The following PDE4D variants were observed in gnomAD, a reference collection of about 807,000 sequenced individuals.
PDE4D encodes the protein phosphodiesterase 4D, also known as 3',5'-cyclic-AMP phosphodiesterase 4D.
In PDE4D, 24 loss-of-function variants were observed where a neutral mutation model predicts 87.4. The ratio of observed to expected loss-of-function variants is 0.27; its 90% CI spans 0.20 to 0.39. The LOEUF (loss-of-function observed/expected upper bound fraction) is 0.39. PDE4D is among the 10% of genes least tolerant of loss of function. PDE4D has a pLI of 1.00. For synonymous variants in PDE4D, 384 were observed against 383.2 expected (o/e 1.00, Z -0.02); for missense variants, 714 against 1,041.0 (o/e 0.69, Z 4.32).
intron 1 of PDE4D, among the ~76,000 whole-genome samples, chr5:59,779,049 C>G (rs910060059): frequency 1.3e-5 from 2 of 151,956 alleles, no homozygotes; most frequent in South Asian, 2.1e-4. Flanking sequence ...GTAATCCCAG[C>G]TATTTGGGAG....
intron 5 of PDE4D, among the ~76,000 whole-genome samples, chr5:59,153,361 A>C (rs760933212): frequency 1.3e-5 from 2 of 152,216 alleles, no homozygotes; most frequent in Non-Finnish European, 2.9e-5. Context: ...GTTATTTAAA[A>C]TAATGGTCAA....
intron 1 of PDE4D, among the ~76,000 whole-genome samples, chr5:59,470,076 T>C (rs1802217073): frequency 6.6e-6 from 1 of 152,096 alleles, no homozygotes; most frequent in Admixed American, 6.5e-5. Context: ...TGGTAAATTT[T>C]ATGTGGTTAG....
intron 3 of PDE4D, among the ~76,000 whole-genome samples, chr5:59,974,225 T>G (rs1761075320): frequency 6.6e-6 from 1 of 152,154 alleles, no homozygotes; most frequent in Non-Finnish European, 1.5e-5. Flanking sequence ...AAATAGTATT[T>G]AAGAATATAT....
intron 6 of PDE4D, among the ~76,000 whole-genome samples, chr5:59,025,481 C>T (rs575556779): frequency 6.6e-6 from 1 of 152,258 alleles, no homozygotes; most frequent in African/African-American, 2.4e-5. Flanking sequence ...CACACAATCA[C>T]TTGTATTTTT....
chr5:59,935,355 T>C (rs529389736), intron 3 of PDE4D, among the ~76,000 whole-genome samples: 1 of 152,030 alleles, frequency 6.6e-6, no homozygotes, highest in South Asian at 2.1e-4. Context: ...GAGAGCTTTT[T>C]AGGAAGGTTG....
intron 2 of PDE4D, among the ~76,000 whole-genome samples, chr5:59,997,007 A>C (rs1426406933): frequency 6.6e-6 from 1 of 152,142 alleles, no homozygotes; most frequent in Non-Finnish European, 1.5e-5. Context: ...AAGTTTCCAA[A>C]AAAGGAATAG....
At chr5:59,614,525 CTA>C (rs1829414274) in intron 1 of PDE4D, among the ~76,000 whole-genome samples, 1 of 152,184 alleles carries the variant, frequency 6.6e-6, no homozygotes. Flanking sequence ...CTGTAAGAGT[CTA>C]TGTTACTACA....
intron 1 of PDE4D, among the ~76,000 whole-genome samples, chr5:59,479,513 T>A (rs1803882942): frequency 6.6e-6 from 1 of 152,252 alleles, no homozygotes; most frequent in Admixed American, 6.5e-5. Context: ...CCCATTTACA[T>A]TTTTGCCTTG....
At chr5:60,506,469 TA>T (rs1750328359) in intron 1 of PDE4D, among the ~76,000 whole-genome samples, 1 of 152,108 alleles carries the variant, frequency 6.6e-6, no homozygotes, top group South Asian at 2.1e-4. Flanking sequence ...CTTACAAAAT[TA>T]AAAACCAGGA....
At chr5:59,370,670 C>T (rs62358052) in intron 1 of PDE4D, among the ~76,000 whole-genome samples, 24 of 152,120 alleles carry the variant, frequency 1.6e-4, no homozygotes, top group Admixed American at 3.3e-4. Context: ...TACTATCCTC[C>T]CCACAAAAAA....
intron 1 of PDE4D, among the ~76,000 whole-genome samples, chr5:59,747,512 T>G (rs554637456): frequency 6.6e-6 from 1 of 152,290 alleles, no homozygotes; most frequent in East Asian, 1.9e-4. Context: ...GGCTCCTTAG[T>G]GCCGTCTGGG....
intron 1 of PDE4D, among the ~76,000 whole-genome samples, chr5:60,202,132 TA>T (rs1741988509): frequency 6.6e-6 from 1 of 152,238 alleles, no homozygotes; most frequent in Admixed American, 6.5e-5. Context: ...GATGCTTTTC[TA>T]AGTGCATAAA....
intron 1 of PDE4D, among the ~76,000 whole-genome samples, chr5:59,672,004 A>G (rs969061702): frequency 2.4e-4 from 36 of 152,100 alleles, no homozygotes; most frequent in Non-Finnish European, 4.7e-4. Flanking sequence ...TTTTTAAAAG[A>G]TCTGAGTTGC....
rs546594108 is a variant in PDE4D at position 59,943,023 on chromosome 5, C to T, written c.272+45465G>A. On this transcript the variant is annotated intron_variant, in intron 3 of 16. Transcript: ENST00000502484. ...AAGTAAAGAATTATCTAGCCCCAAA[C>T]GTCAAGAGAAACCCTAACATAGGGA... Among the ~76,000 whole-genome samples the T allele has an allele frequency of 2.0e-4, 30 of 152,138 alleles. 1 individual carries two copies. In the South Asian group the frequency reaches 5.0e-3, roughly 25 times the overall value.
chr5:59,228,881 G>A (rs1379428764), intron 1 of PDE4D, among the ~76,000 whole-genome samples: 2 of 152,008 alleles, frequency 1.3e-5, no homozygotes, highest in Admixed American at 6.6e-5. Context: ...CAGGGCCTTT[G>A]GATTTGCAGT....
chr5:59,269,133 G>T (rs1225252398), intron 1 of PDE4D, among the ~76,000 whole-genome samples: 1 of 151,998 alleles, frequency 6.6e-6, no homozygotes, highest in Non-Finnish European at 1.5e-5. Context: ...TCAGGACTAA[G>T]TATTATTGCA....
chr5:60,307,081 C>A (rs535219509), intron 1 of PDE4D, among the ~76,000 whole-genome samples: 1 of 152,052 alleles, frequency 6.6e-6, no homozygotes, highest in South Asian at 2.1e-4. Flanking sequence ...AAAAGATACA[C>A]CTATCTCACT....
intron 1 of PDE4D, among the ~76,000 whole-genome samples, chr5:59,843,454 T>A (rs1743355046): frequency 1.3e-5 from 2 of 151,882 alleles, no homozygotes. Context: ...CCCAGAAAAA[T>A]CCTTTCACCT....
intron 1 of PDE4D, among the ~76,000 whole-genome samples, chr5:59,536,021 C>A (rs976553032): frequency 1.3e-5 from 2 of 152,182 alleles, no homozygotes; most frequent in Admixed American, 6.5e-5. Flanking sequence ...AAAAGTTGAT[C>A]TCTTCCAAGA....
Sources: allele counts gnomAD v4.1 joint callset (sites outside exome capture counted in the v4.1 genomes callset), GRCh38; gene constraint gnomAD v4.1.1; transcripts MANE v1.5; gene names NCBI Gene and HGNC (gene_info 2026-07-23, HGNC 2026-07-21).